MKX: variants seen among roughly 807,000 people sequenced by gnomAD.
MKX encodes the protein homeobox protein Mohawk.
Under a neutral mutation model 36.0 loss-of-function variants are expected in MKX, and 13 were observed. The observed-to-expected ratio is 0.36, with a 90% CI of 0.24 to 0.57. The LOEUF is 0.57. Among genes scored for constraint, MKX ranks in the 20% least tolerant of loss-of-function variants. The pLI is 0.79. For missense variants in MKX, 458 were observed against 456.4 expected (o/e 1.00, Z -0.03); for synonymous variants, 176 against 178.3 (o/e 0.99, Z 0.10).
At chr10:27,712,543 G>T (rs1050880609) in intron 5 of MKX, among the ~76,000 whole-genome samples, 5 of 151,998 alleles carry the variant, frequency 3.3e-5, no homozygotes, top group Non-Finnish European at 7.4e-5. Context: ...AACCAGTGAG[G>T]TGCTGTGAGG....
At chr10:27,743,118 C>T (rs925697433) in intron 2 of MKX, 110 bp downstream of exon 2, 4 of 1,101,244 alleles carry the variant, frequency 3.6e-6, no homozygotes. Context: ...CAGGGAACTC[C>T]GGGCCCTTTC....
intron 5 of MKX, among the ~76,000 whole-genome samples, chr10:27,721,355 G>A (rs755481005): frequency 6.6e-6 from 1 of 151,996 alleles, no homozygotes; most frequent in Non-Finnish European, 1.5e-5. Flanking sequence ...GTTCACAATA[G>A]GAAACACATG....
At chr10:27,709,148 G>T (rs1564355576) in intron 5 of MKX, among the ~76,000 whole-genome samples, 1 of 150,520 alleles carries the variant, frequency 6.6e-6, no homozygotes, top group Non-Finnish European at 1.5e-5. Context: ...CAGCCTGGGT[G>T]ACAAAGCGAG....
chr10:27,737,202 C>G (rs1221145119), intron 3 of MKX, among the ~76,000 whole-genome samples: 1 of 152,196 alleles, frequency 6.6e-6, no homozygotes, highest in East Asian at 1.9e-4. Flanking sequence ...TTCTTCAACT[C>G]ACTGCCAAAA....
At chr10:27,726,178 C>T (rs1196262115) in intron 5 of MKX, among the ~76,000 whole-genome samples, 2 of 152,102 alleles carry the variant, frequency 1.3e-5, no homozygotes, top group Non-Finnish European at 2.9e-5. Context: ...TTTGTAAGAT[C>T]AAAACTTAAC....
chr10:27,710,141 A>G (rs149148087), intron 5 of MKX, among the ~76,000 whole-genome samples: 1 of 152,156 alleles, frequency 6.6e-6, no homozygotes, highest in Non-Finnish European at 1.5e-5. Context: ...GAACAAGTGA[A>G]CCACTCTGTG....
At chr10:27,731,032 G>GC (rs1177469739) in intron 5 of MKX, among the ~76,000 whole-genome samples, 1 of 151,332 alleles carries the variant, frequency 6.6e-6, no homozygotes, top group Non-Finnish European at 1.5e-5. Context: ...TACTCAGGAG[G>GC]CTGAGGCAGG....
intron 5 of MKX, among the ~76,000 whole-genome samples, chr10:27,705,873 A>G (rs918652669): frequency 3.8e-4 from 58 of 152,194 alleles, no homozygotes; most frequent in African/African-American, 1.4e-3. Context: ...TGGTGGCAAA[A>G]TATACATAAC....
chr10:27,699,633 A>G (rs1018047302), intron 5 of MKX, among the ~76,000 whole-genome samples: 2 of 152,208 alleles, frequency 1.3e-5, no homozygotes, highest in African/African-American at 2.4e-5. Context: ...ACAACAAAAA[A>G]GGCTTTCTTA....
At chr10:27,738,888 A>G (rs1834833977) in intron 3 of MKX, among the ~76,000 whole-genome samples, 2 of 152,066 alleles carry the variant, frequency 1.3e-5, no homozygotes, top group Admixed American at 1.3e-4. Flanking sequence ...CACTTGGAAT[A>G]ATGAATAAGG....
At chr10:27,693,612 C>T (rs1314492201) in intron 5 of MKX, among the ~76,000 whole-genome samples, 4 of 152,074 alleles carry the variant, frequency 2.6e-5, no homozygotes, top group Non-Finnish European at 5.9e-5. Flanking sequence ...AAATGCCAAA[C>T]GACCATACAT....
In MKX at chr10:27,741,902, C is replaced by A. The variant is rs1297115278; in HGVS notation, c.189-398G>T. On this transcript the variant is annotated intron_variant, in intron 2 of 6. Coordinates refer to ENST00000419761, the MANE Select transcript of MKX (RefSeq NM_173576.3). The surrounding 1 kb of genome is among the most constrained non-coding windows in gnomAD (Gnocchi z 5.1). ...CTGGCAGGCCTGGCAGGGTATGCGG[C>A]TGGCTCTCGAAACTTCCCTCGGGGA... Among the ~76,000 whole-genome samples the A allele has an allele frequency of 6.6e-6, 1 of 152,200 alleles. No homozygotes were observed. Among genetic ancestry groups the A allele is most frequent in the African/African-American group, 2.4e-5 (1 of 41,466 alleles).
At chr10:27,693,875 C>G (rs984239614) in intron 5 of MKX, among the ~76,000 whole-genome samples, 1 of 152,080 alleles carries the variant, frequency 6.6e-6, no homozygotes, top group African/African-American at 2.4e-5. Flanking sequence ...TCCCACAATT[C>G]CCATGTGCAG....
At chr10:27,703,799 C>G (rs1340963181) in intron 5 of MKX, among the ~76,000 whole-genome samples, 1 of 152,050 alleles carries the variant, frequency 6.6e-6, no homozygotes, top group Non-Finnish European at 1.5e-5. Flanking sequence ...ACTCAGGAGG[C>G]TGAGGCAGGA....
intron 5 of MKX, among the ~76,000 whole-genome samples, chr10:27,676,374 CTTTTTCTT>C (rs1564340711): frequency 1.4e-5 from 2 of 141,790 alleles, no homozygotes; most frequent in African/African-American, 5.4e-5. Flanking sequence ...TTTCTTTTTT[CTTTTTCTT>C]TTTTTTTTTT....
chr10:27,711,497 T>TC (rs1564357065), intron 5 of MKX, among the ~76,000 whole-genome samples: 3,210 of 56,064 alleles, frequency 0.057, 68 homozygotes, highest in African/African-American at 0.076. Context: ...CTCTCTCTCT[T>TC]CTTTCCTTCC....
chr10:27,741,627 T>A lies in MKX; in HGVS notation c.189-123A>T. 8.6e-7 allele frequency: 1 copy of A among 1,157,302 alleles called. No individual in the cohort carries two copies. The allele number at this position is 1,157,302 out of a possible 1,614,324, so 71.7% of individuals were successfully genotyped here. On this transcript the variant is annotated intron_variant, in intron 2 of 6. Coordinates refer to ENST00000419761, the MANE Select transcript of MKX (RefSeq NM_173576.3). This position sits in a 1 kb window ranked among gnomAD's most constrained non-coding sequence, Gnocchi z 5.1. Reference sequence around the variant, plus strand: ...CGCATTCCTGCCTTGCGCCCCTGCTTTGCGCGCGCCCAGAGTGTTTGGGAG... The same window carrying A: ...CGCATTCCTGCCTTGCGCCCCTGCTATGCGCGCGCCCAGAGTGTTTGGGAG...
intron 5 of MKX, among the ~76,000 whole-genome samples, chr10:27,725,683 AAAG>A (rs1375755248): frequency 6.6e-6 from 1 of 152,082 alleles, no homozygotes; most frequent in Non-Finnish European, 1.5e-5. Context: ...CAAAAAAAAA[AAAG>A]AAGGGAGAAA....
chr10:27,674,999 T>C lies in MKX; in HGVS notation c.*230A>G, dbSNP rs535146218. 2 of 405,086 alleles carry C rather than the reference T, an allele frequency of 4.9e-6. No homozygotes were observed. The highest frequency in any genetic ancestry group is 4.1e-5 in the African/African-American group (2 of 49,146). 25.1% of individuals were successfully genotyped at this position (405,086 alleles called of 1,614,324 possible). On this transcript the variant is annotated 3_prime_UTR_variant, in exon 7 of 7. Transcript: ENST00000419761. ...GCACTTACTGTAATGGTAATGCAGA[T>C]GTTTTATGCATAGTTTGAGTAACAT...
Sources: allele counts gnomAD v4.1 joint callset (sites outside exome capture counted in the v4.1 genomes callset), GRCh38; gene constraint gnomAD v4.1.1; non-coding constraint Gnocchi (gnomAD v3.1); transcripts MANE v1.5; gene names NCBI Gene and HGNC (gene_info 2026-07-23, HGNC 2026-07-21).